ACSL5: variants seen among roughly 807,000 people sequenced by gnomAD.
ACSL5 encodes the protein long-chain-fatty-acid--CoA ligase 5.
A neutral mutation model predicts 84.9 loss-of-function variants in ACSL5; 50 were observed. The observed-to-expected ratio is 0.59, with a 90% CI of 0.47 to 0.75. The LOEUF is 0.75. ACSL5 is among the 30% of genes least tolerant of loss of function. The pLI is 0.00. For missense variants in ACSL5, 775 were observed against 830.4 expected, an observed-to-expected ratio of 0.93 and a Z score of 0.82; for synonymous variants, 280 against 300.7, an observed-to-expected ratio of 0.93 and a Z score of 0.71.
At chr10:112,374,719 T>C (rs138845745) in intron 1 of ACSL5, among the ~76,000 whole-genome samples, 1 of 152,168 alleles carries the variant, frequency 6.6e-6, no homozygotes, top group Non-Finnish European at 1.5e-5. Flanking sequence ...GGGTAGATTA[T>C]GTATGTTACT....
rs1302722075 is a variant in ACSL5 at position 112,394,810 on chromosome 10, GTGTGTGTGTGTA to G, written c.-29-96_-29-85del. The G allele has an allele frequency of 4.1e-6, 6 of 1,468,198 alleles. No individual in the cohort carries two copies. In the African/African-American group the frequency reaches 4.2e-5, roughly 10 times the overall value. 90.9% of individuals were successfully genotyped at this position (1,468,198 alleles called of 1,614,324 possible). On this transcript the variant is annotated intron_variant, in intron 1 of 20. Transcript: ENST00000354655. ...TTTGAGGGTTTGAAGGCGTGCGCGC[GTGTGTGTGTGTA>G]TGTGTGTGTGTGTGTCCTTCTGAAA...
chr10:112,377,961 C>T (rs1302053163), intron 1 of ACSL5, among the ~76,000 whole-genome samples: 1 of 152,144 alleles, frequency 6.6e-6, no homozygotes, highest in African/African-American at 2.4e-5. Context: ...TTAATCCAGA[C>T]CAAACAGAAT....
intron 6 of ACSL5, 25 bp from the exon 7 acceptor site, chr10:112,409,482 C>T (rs371010155): frequency 6.3e-5 from 102 of 1,609,992 alleles, no homozygotes; most frequent in Admixed American, 2.7e-4. Context: ...GAGGGAATGA[C>T]CTCTGGTTCT....
rs1290327661 is a variant in ACSL5, at chr10:112,404,585, G to A, written c.330+10G>A. ...GCTATCTTACAAACAGGTAAGTTGA[G>A]TCCATGTTTTTAGACAGATTCTTTC... On this transcript the variant is annotated intron_variant, in intron 4 of 20. Transcript: ENST00000354655. The A allele has an allele frequency of 1.2e-6, 2 of 1,611,736 alleles. No individual in the cohort carries two copies. The highest frequency in any genetic ancestry group is 2.7e-5 in the African/African-American group (2 of 74,842).
At chr10:112,414,352 CTTTT>C (rs34464188) in intron 12 of ACSL5, among the ~76,000 whole-genome samples, 2 of 85,502 alleles carry the variant, frequency 2.3e-5, no homozygotes, top group African/African-American at 4.6e-5. Flanking sequence ...TTCAGTGATT[CTTTT>C]TTTTTTTTTT....
chr10:112,421,731 C>T (rs150716273), intron 15 of ACSL5, 66 bp downstream of exon 15: 1 of 1,515,218 alleles, frequency 6.6e-7, no homozygotes, highest in African/African-American at 1.4e-5. Flanking sequence ...TGAACTAGGA[C>T]TTTGGAGTTT....
intron 1 of ACSL5, among the ~76,000 whole-genome samples, chr10:112,390,415 C>G (rs1291453697): frequency 6.6e-6 from 1 of 152,112 alleles, no homozygotes; most frequent in Admixed American, 6.6e-5. Flanking sequence ...GAAATTGGAA[C>G]CCTCTTACAT....
intron 10 of ACSL5, 87 bp from the exon 11 acceptor site, chr10:112,411,815 G>T (rs1171513206): frequency 5.5e-6 from 7 of 1,270,728 alleles, no homozygotes; most frequent in Admixed American, 1.7e-5. Context: ...TGGTAGTCCT[G>T]GGAGGAGGTA....
chr10:112,404,459 G>A, intron 3 of ACSL5, 52 bp from the exon 4 acceptor site: 1 of 1,423,978 alleles, frequency 7.0e-7, no homozygotes, highest in Non-Finnish European at 9.9e-7. Context: ...AGCTTCCTTG[G>A]TCCAGAGAAT....
chr10:112,420,276 T>C (rs1048679410), intron 14 of ACSL5, among the ~76,000 whole-genome samples: 1 of 152,128 alleles, frequency 6.6e-6, no homozygotes, highest in Non-Finnish European at 1.5e-5. Flanking sequence ...CCCTTGAACT[T>C]GTTTCCTGCC....
chr10:112,393,351 T>C (rs1451979761), intron 1 of ACSL5, among the ~76,000 whole-genome samples: 1 of 152,196 alleles, frequency 6.6e-6, no homozygotes, highest in Non-Finnish European at 1.5e-5. Flanking sequence ...TTCAGTTTTC[T>C]CCTCTAAAAT....
chr10:112,411,858 C>T, intron 10 of ACSL5, 44 bp from the exon 11 acceptor site: 2 of 1,542,518 alleles, frequency 1.3e-6, no homozygotes, highest in Middle Eastern at 1.7e-4. Context: ...TGAAAGTTGG[C>T]ATTAATCTCA....
In ACSL5 at chr10:112,417,849, A is replaced by C. The variant is rs1048212464; in HGVS notation, c.1222A>C (p.Ser408Arg). The change falls in exon 14 of 21, where the codon AGC becomes CGC. Residue 408 changes from serine (S) to arginine (R), a missense_variant. Coordinates refer to ENST00000354655, the MANE Select transcript of ACSL5 (RefSeq NM_203379.2). ...DKLIFAKIQD[S>R]LGGRVRVIVT... ...GTCTTTTGTTTCCACTGAACAGGAC[A>C]GCCTGGGCGGAAGGGTTCGTGTAAT... 3.7e-5 allele frequency: 60 copies of C among 1,613,978 alleles called. No homozygotes were observed. Among genetic ancestry groups the C allele is most frequent in the Non-Finnish European group, 4.2e-5 (49 of 1,179,964 alleles).
chr10:112,418,018 A>C (rs1844359494), intron 14 of ACSL5, 77 bp downstream of exon 14: 1 of 1,197,816 alleles, frequency 8.3e-7, no homozygotes, highest in African/African-American at 1.5e-5. Flanking sequence ...TAAAAATGAA[A>C]ACAACTAAAA....
chr10:112,387,043 A>G (rs1340295774), intron 1 of ACSL5, among the ~76,000 whole-genome samples: 2 of 152,170 alleles, frequency 1.3e-5, no homozygotes, highest in African/African-American at 4.8e-5. Context: ...ATATGACCAC[A>G]GATTTTTATG....
intron 1 of ACSL5, chr10:112,376,156 C>T: frequency 9.1e-7 from 1 of 1,094,420 alleles, no homozygotes. Flanking sequence ...CTTCTCCCCT[C>T]CTGGTCAGAA....
At chr10:112,375,802 T>G (rs1564727522) in intron 1 of ACSL5, among the ~76,000 whole-genome samples, 1 of 152,216 alleles carries the variant, frequency 6.6e-6, no homozygotes, top group Non-Finnish European at 1.5e-5. Flanking sequence ...TTGCTTATTT[T>G]CTTGGCTTTG....
chr10:112,392,571 C>T (rs1325786365), intron 1 of ACSL5, among the ~76,000 whole-genome samples: 2 of 152,082 alleles, frequency 1.3e-5, no homozygotes, highest in Non-Finnish European at 2.9e-5. Context: ...GAAACCCCGT[C>T]TCTACTAAAA....
chr10:112,374,365 C>T (rs970086775), intron 1 of ACSL5, 96 bp downstream of exon 1: 4 of 152,052 alleles, frequency 2.6e-5, no homozygotes, highest in African/African-American at 7.3e-5. Context: ...ATTTGTTATG[C>T]TCAACCTAAG....
Sources: gnomAD v4.1 joint callset for allele counts (sites outside exome capture counted in the v4.1 genomes callset) on GRCh38, gnomAD v4.1.1 for gene constraint, MANE v1.5 for transcripts, NCBI Gene and HGNC (gene_info 2026-07-23, HGNC 2026-07-21) for gene names.